HSD17B3: variants seen among roughly 807,000 people sequenced by gnomAD.
The protein encoded by HSD17B3 is 17-beta-hydroxysteroid dehydrogenase type 3.
Under a neutral mutation model 41.1 loss-of-function variants are expected in HSD17B3, and 29 were observed. The observed-to-expected ratio is 0.71, with a 90% confidence interval of 0.53 to 0.96. The LOEUF (loss-of-function observed/expected upper bound fraction) is 0.96, where lower values mean the gene tolerates loss of function less well. Among genes scored for constraint, HSD17B3 ranks in the 40% least tolerant of loss-of-function variants. The probability of loss-of-function intolerance (pLI) is 0.00; values close to 1 mark genes in which losing one functional copy is unlikely to be tolerated. For synonymous variants in HSD17B3, 126 were observed against 145.6 expected, an observed-to-expected ratio of 0.87 and a Z score of 0.97; for missense variants, 323 against 374.6, an observed-to-expected ratio of 0.86 and a Z score of 1.14.
chr9:96,249,665 T>C, intron 6 of HSD17B3, 86 bp downstream of exon 6: 1 of 1,208,738 alleles, frequency 8.3e-7, no homozygotes. Flanking sequence ...ATCCTGCTTC[T>C]ACAGTGGATG....
chr9:96,273,764 A>G (rs534889375), intron 2 of HSD17B3, among the ~76,000 whole-genome samples: 97 of 152,168 alleles, frequency 6.4e-4, no homozygotes, highest in African/African-American at 2.3e-3. Flanking sequence ...AGACCCCACA[A>G]TCTTTGCCAA....
chr9:96,268,839 C>G (rs932198904), intron 2 of HSD17B3, among the ~76,000 whole-genome samples: 2 of 152,086 alleles, frequency 1.3e-5, no homozygotes, highest in Non-Finnish European at 2.9e-5. Context: ...ATCCCAGCTA[C>G]TAGAGAGGCT....
chr9:96,243,764 C>T (rs1220108400), intron 9 of HSD17B3, among the ~76,000 whole-genome samples: 1 of 152,204 alleles, frequency 6.6e-6, no homozygotes, highest in African/African-American at 2.4e-5. Context: ...TAGGTGAGGA[C>T]AGGTCATCTC....
intron 2 of HSD17B3, among the ~76,000 whole-genome samples, chr9:96,290,739 C>T (rs1827124941): frequency 6.6e-6 from 1 of 151,750 alleles, no homozygotes; most frequent in South Asian, 2.1e-4. Flanking sequence ...GAGGCTGAGG[C>T]AGGAGAATCA....
intron 2 of HSD17B3, among the ~76,000 whole-genome samples, chr9:96,267,729 G>T (rs1826092802): frequency 6.6e-6 from 1 of 151,980 alleles, no homozygotes; most frequent in African/African-American, 2.4e-5. Flanking sequence ...AAAAGGAAGA[G>T]AAATAAAGAA....
intron 2 of HSD17B3, among the ~76,000 whole-genome samples, chr9:96,259,565 A>G (rs897679843): frequency 5.3e-5 from 8 of 152,158 alleles, no homozygotes; most frequent in African/African-American, 1.7e-4. Context: ...TACTAAAAAT[A>G]TAAAAATTAG....
intron 2 of HSD17B3, among the ~76,000 whole-genome samples, chr9:96,260,485 GGA>G (rs1439266431): frequency 6.6e-6 from 1 of 152,034 alleles, no homozygotes; most frequent in Non-Finnish European, 1.5e-5. Flanking sequence ...CCTAACTTTG[GGA>G]GAGACTTAGT....
At chr9:96,272,395 CTCTCTCTCTCTATATA>C (rs1167047631) in intron 2 of HSD17B3, among the ~76,000 whole-genome samples, 2 of 30,618 alleles carry the variant, frequency 6.5e-5, no homozygotes, top group Non-Finnish European at 1.2e-4. Context: ...CTCTCTCTCT[CTCTCTCTCTCTATATA>C]TATATATATA....
intron 2 of HSD17B3, among the ~76,000 whole-genome samples, chr9:96,267,032 C>T (rs1279653594): frequency 1.3e-5 from 2 of 152,148 alleles, no homozygotes; most frequent in African/African-American, 2.4e-5. Flanking sequence ...CATGTCCAGG[C>T]AGGTTCCTAA....
chr9:96,293,789 A>G (rs1827247638), intron 2 of HSD17B3, among the ~76,000 whole-genome samples: 1 of 151,872 alleles, frequency 6.6e-6, no homozygotes, highest in Non-Finnish European at 1.5e-5. Flanking sequence ...ATCCAATAAG[A>G]ACAAAACCTA....
At chr9:96,285,233 C>T (rs778854282) in intron 2 of HSD17B3, among the ~76,000 whole-genome samples, 3 of 152,174 alleles carry the variant, frequency 2.0e-5, no homozygotes, top group Admixed American at 1.3e-4. Flanking sequence ...GCAAATCAGT[C>T]TTACCATGAT....
chr9:96,240,571 C>T (rs1836397251), intron 10 of HSD17B3, among the ~76,000 whole-genome samples, 187 bp downstream of exon 10: 2 of 152,100 alleles, frequency 1.3e-5, no homozygotes, highest in Admixed American at 1.3e-4. Context: ...TTGCCAACTT[C>T]GGGGTTATCT....
intron 1 of HSD17B3, 83 bp downstream of exon 1, chr9:96,301,868 A>C: frequency 7.0e-7 from 1 of 1,427,960 alleles, no homozygotes; most frequent in African/African-American, 1.4e-5. Context: ...GTGACAGAGC[A>C]AGTGTCTGTC....
intron 2 of HSD17B3, among the ~76,000 whole-genome samples, chr9:96,297,715 T>C (rs1328889719): frequency 6.6e-6 from 1 of 152,164 alleles, no homozygotes; most frequent in Non-Finnish European, 1.5e-5. Context: ...TCTATTGTAT[T>C]TGACATGGTT....
intron 2 of HSD17B3, among the ~76,000 whole-genome samples, chr9:96,258,739 C>A (rs1825754889): frequency 6.6e-6 from 1 of 152,020 alleles, no homozygotes; most frequent in Non-Finnish European, 1.5e-5. Context: ...AGTTGTCTTA[C>A]CCGTAAGTAT....
chr9:96,265,722 A>G (rs1037748342), intron 2 of HSD17B3, among the ~76,000 whole-genome samples: 1 of 152,238 alleles, frequency 6.6e-6, no homozygotes, highest in African/African-American at 2.4e-5. Flanking sequence ...AAACGAGTTA[A>G]AAGGCTAAAT....
chr9:96,271,447 T>C (rs1826242797), intron 2 of HSD17B3, among the ~76,000 whole-genome samples: 1 of 152,198 alleles, frequency 6.6e-6, no homozygotes, highest in Non-Finnish European at 1.5e-5. Flanking sequence ...TCTTCCTGGG[T>C]ACATGACTAA....
At chr9:96,285,884 A>G (rs534166152) in intron 2 of HSD17B3, among the ~76,000 whole-genome samples, 3 of 151,956 alleles carry the variant, frequency 2.0e-5, no homozygotes, top group African/African-American at 4.8e-5. Flanking sequence ...AAGGGAGGGG[A>G]AAAATGTCAG....
intron 8 of HSD17B3, among the ~76,000 whole-genome samples, chr9:96,245,007 T>C (rs910297622): frequency 2.0e-5 from 3 of 152,090 alleles, no homozygotes; most frequent in Admixed American, 1.3e-4. Flanking sequence ...GCTGTTTTTA[T>C]GACTAGGGCA....
Sources: gnomAD v4.1 joint callset for allele counts (sites outside exome capture counted in the v4.1 genomes callset) on GRCh38, gnomAD v4.1.1 for gene constraint, MANE v1.5 for transcripts, NCBI Gene and HGNC (gene_info 2026-07-23, HGNC 2026-07-21) for gene names.